The following NTM variants were observed in gnomAD, a reference collection of about 807,000 sequenced individuals.
NTM encodes the protein IgLON family member 2.
NTM carries 13 observed loss-of-function variants against 42.1 expected under a neutral mutation model. The observed-to-expected ratio is 0.31, with a 90% CI of 0.20 to 0.49. The LOEUF (loss-of-function observed/expected upper bound fraction) is 0.49, where lower values mean the gene tolerates loss of function less well. NTM is among the 20% of genes least tolerant of loss of function. NTM has a pLI of 0.99. For synonymous variants in NTM, 187 were observed against 179.2 expected (o/e 1.04, Z -0.35); for missense variants, 373 against 452.8 (o/e 0.82, Z 1.60).
chr11:131,622,386 C>T (rs1174294231), intron 1 of NTM, among the ~76,000 whole-genome samples: 2 of 152,220 alleles, frequency 1.3e-5, no homozygotes, highest in Non-Finnish European at 2.9e-5. Flanking sequence ...CATGTCCATC[C>T]TCGGCTCCAC....
At chr11:132,318,834 T>C (rs1363367570) in intron 7 of NTM, among the ~76,000 whole-genome samples, 1 of 152,084 alleles carries the variant, frequency 6.6e-6, no homozygotes, top group Admixed American at 6.5e-5. Flanking sequence ...CATCAGAGGA[T>C]GGCTGTAGAC....
At chr11:132,236,507 T>C (rs1239386085) in intron 4 of NTM, among the ~76,000 whole-genome samples, 1 of 152,206 alleles carries the variant, frequency 6.6e-6, no homozygotes, top group East Asian at 1.9e-4. Flanking sequence ...ACGGCATAAC[T>C]ATTCCACATC....
chr11:131,980,365 C>A (rs2065047812), intron 2 of NTM, among the ~76,000 whole-genome samples: 1 of 152,154 alleles, frequency 6.6e-6, no homozygotes, highest in Non-Finnish European at 1.5e-5. Context: ...TTGTGATTAT[C>A]CCATTGGTCC....
At chr11:131,493,382 A>G (rs1265350311) in intron 1 of NTM, among the ~76,000 whole-genome samples, 3 of 152,112 alleles carry the variant, frequency 2.0e-5, no homozygotes, top group Admixed American at 6.5e-5. Flanking sequence ...TGGCCCCAAG[A>G]CCCATGGAAA....
intron 4 of NTM, among the ~76,000 whole-genome samples, chr11:132,252,107 CT>C (rs1375845148): frequency 6.6e-6 from 1 of 152,162 alleles, no homozygotes; most frequent in Non-Finnish European, 1.5e-5. Context: ...CCTACCTCTC[CT>C]TTTCCCTCCC....
chr11:131,619,659 C>T (rs188186499), intron 1 of NTM, among the ~76,000 whole-genome samples: 426 of 152,058 alleles, frequency 2.8e-3, no homozygotes, highest in Non-Finnish European at 4.7e-3. Flanking sequence ...AGAGTCAAGA[C>T]GCAAATTTTT....
intron 1 of NTM, among the ~76,000 whole-genome samples, chr11:131,846,481 A>G (rs1189225903): frequency 6.6e-6 from 1 of 152,126 alleles, no homozygotes; most frequent in Non-Finnish European, 1.5e-5. Context: ...TTTGTATTTT[A>G]AAAAATCTCC....
At chr11:131,454,979 C>A (rs1367675072) in intron 1 of NTM, among the ~76,000 whole-genome samples, 1 of 152,160 alleles carries the variant, frequency 6.6e-6, no homozygotes, top group Non-Finnish European at 1.5e-5. Flanking sequence ...ACATCACAAT[C>A]TTTAATATTT....
chr11:131,753,275 AC>A lies in NTM; in HGVS notation c.83-158288del, dbSNP rs1435698777. Among the ~76,000 whole-genome samples the A allele has an allele frequency of 1.3e-4, 20 of 152,184 alleles. No homozygotes were observed. The East Asian group carries it at 3.9e-3, about 29-fold the overall frequency. On this transcript the variant is annotated intron_variant, in intron 1 of 8. Coordinates refer to ENST00000683400, the MANE Select transcript of NTM (RefSeq NM_001352005.2). ...GGAGAGGATATGGAGAAATAGGAAC[AC>A]TTTTACACTGTTGGTGGGACTGTAA...
intron 2 of NTM, among the ~76,000 whole-genome samples, chr11:132,082,254 T>C (rs1328199093): frequency 6.6e-6 from 1 of 152,000 alleles, no homozygotes; most frequent in Non-Finnish European, 1.5e-5. Context: ...CACGGACACA[T>C]TGAAAGGTGA....
At chr11:132,168,365 G>T (rs931329851) in intron 3 of NTM, among the ~76,000 whole-genome samples, 2 of 152,130 alleles carry the variant, frequency 1.3e-5, no homozygotes, top group Non-Finnish European at 2.9e-5. Context: ...AGGTTGACTT[G>T]GTCCATTTGC....
rs144550273 is a variant in NTM, at chr11:132,244,266, T to C, written c.526+32119T>C. On this transcript the variant is annotated intron_variant, in intron 4 of 8. Coordinates refer to ENST00000683400, the MANE Select transcript of NTM (RefSeq NM_001352005.2). Reference sequence around the variant, plus strand: ...CACATATGTGTGCTCATCCTGGAACTAGGTCTCAGGTAATGCAACCCCTGG... The same window carrying C: ...CACATATGTGTGCTCATCCTGGAACCAGGTCTCAGGTAATGCAACCCCTGG... Among the ~76,000 whole-genome samples the C allele has an allele frequency of 1.1e-3, 170 of 152,322 alleles. No individual in the cohort carries two copies. The Middle Eastern group carries it at 0.02, about 18-fold the overall frequency.
At chr11:131,638,302 C>T (rs1357942905) in intron 1 of NTM, among the ~76,000 whole-genome samples, 2 of 152,108 alleles carry the variant, frequency 1.3e-5, no homozygotes, top group Non-Finnish European at 2.9e-5. Context: ...TGTGGTGGCT[C>T]ATGTCTGTAA....
intron 7 of NTM, chr11:132,317,527 T>C: frequency 2.5e-6 from 1 of 399,488 alleles, no homozygotes; most frequent in Non-Finnish European, 4.3e-6. Flanking sequence ...TTCCTTTTTT[T>C]TATATAATCC....
At chr11:131,615,496 G>C (rs2061836475) in intron 1 of NTM, among the ~76,000 whole-genome samples, 1 of 152,054 alleles carries the variant, frequency 6.6e-6, no homozygotes, top group African/African-American at 2.4e-5. Flanking sequence ...CTCTTGAGTA[G>C]CTGGGATTAC....
At chr11:131,797,837 C>G (rs1348288367) in intron 1 of NTM, among the ~76,000 whole-genome samples, 1 of 152,114 alleles carries the variant, frequency 6.6e-6, no homozygotes, top group Non-Finnish European at 1.5e-5. Context: ...ATAATAATCT[C>G]ACCTTGTATC....
At chr11:131,963,065 G>A (rs532191443) in intron 2 of NTM, among the ~76,000 whole-genome samples, 14 of 152,166 alleles carry the variant, frequency 9.2e-5, no homozygotes, top group African/African-American at 1.4e-4. Context: ...ATCTTTGTCA[G>A]CATCCCATTC....
chr11:131,811,639 T>C (rs879149937), intron 1 of NTM, among the ~76,000 whole-genome samples: 2 of 152,186 alleles, frequency 1.3e-5, no homozygotes, highest in Admixed American at 1.3e-4. Context: ...ATGTATATTG[T>C]AAAGCAGGGA....
At chr11:131,393,452 G>A (rs575370748) in intron 1 of NTM, among the ~76,000 whole-genome samples, 1 of 152,308 alleles carries the variant, frequency 6.6e-6, no homozygotes, top group East Asian at 1.9e-4. Flanking sequence ...TGCCACCTAG[G>A]CCTGGATAAA....
Sources: allele counts gnomAD v4.1 joint callset (sites outside exome capture counted in the v4.1 genomes callset), GRCh38; gene constraint gnomAD v4.1.1; transcripts MANE v1.5; gene names NCBI Gene and HGNC (gene_info 2026-07-23, HGNC 2026-07-21).